TMEM232: variants seen among roughly 807,000 people sequenced by gnomAD.
TMEM232 encodes the protein transmembrane protein 232.
A neutral mutation model predicts 78.8 loss-of-function variants in TMEM232; 80 were observed. The observed-to-expected ratio is 1.01, with a 90% CI of 0.85 to 1.22. TMEM232 has a LOEUF of 1.22. Among genes scored for constraint, TMEM232 ranks in the 50% most tolerant of loss-of-function variants. TMEM232 has a pLI of 0.00. For synonymous variants in TMEM232, 297 were observed against 254.3 expected (o/e 1.17, Z -1.60); for missense variants, 881 against 742.2 (o/e 1.19, Z -2.17).
chr5:110,626,096 A>C (rs533377471), intron 6 of TMEM232, among the ~76,000 whole-genome samples: 1 of 151,962 alleles, frequency 6.6e-6, no homozygotes. Flanking sequence ...AAAACAGCCT[A>C]TTGTTAAAGG....
At chr5:110,445,971 C>T (rs1170976980) in intron 12 of TMEM232, among the ~76,000 whole-genome samples, 1 of 152,138 alleles carries the variant, frequency 6.6e-6, no homozygotes, top group Admixed American at 6.6e-5. Flanking sequence ...AAATGAATCA[C>T]TAAGTCCAGG....
chr5:110,405,670 A>C (rs1387487611), intron 2 of TMEM232, among the ~76,000 whole-genome samples: 1 of 151,352 alleles, frequency 6.6e-6, no homozygotes, highest in Non-Finnish European at 1.5e-5. Context: ...AAATTGTAAA[A>C]GAAAGATTCA....
At chr5:110,707,259 G>A (rs141085387) in intron 1 of TMEM232, among the ~76,000 whole-genome samples, 3,617 of 152,244 alleles carry the variant, frequency 0.024, 45 homozygotes, top group African/African-American at 0.032. Context: ...GAGGGTCAGA[G>A]AGACAGTCAT....
intron 10 of TMEM232, among the ~76,000 whole-genome samples, chr5:110,572,735 A>T (rs1233072364): frequency 6.6e-6 from 1 of 152,090 alleles, no homozygotes; most frequent in Non-Finnish European, 1.5e-5. Context: ...TGTTGATTTA[A>T]ACTCAATTGA....
At chr5:110,505,955 G>C (rs757810097) in intron 12 of TMEM232, among the ~76,000 whole-genome samples, 3 of 152,180 alleles carry the variant, frequency 2.0e-5, no homozygotes, top group Non-Finnish European at 4.4e-5. Flanking sequence ...AAGGAACCTG[G>C]TCAGTTCAAC....
At chr5:110,595,729 A>C (rs1020737419) in intron 10 of TMEM232, among the ~76,000 whole-genome samples, 5 of 152,194 alleles carry the variant, frequency 3.3e-5, no homozygotes, top group African/African-American at 1.2e-4. Context: ...TCAGAGAAAA[A>C]AGAATGAAAA....
chr5:110,580,652 T>C (rs184844622), intron 10 of TMEM232, among the ~76,000 whole-genome samples: 2 of 151,640 alleles, frequency 1.3e-5, no homozygotes, highest in East Asian at 1.9e-4. Flanking sequence ...AGAAAATTAA[T>C]GAAGAAACAG....
intron 1 of TMEM232, among the ~76,000 whole-genome samples, chr5:110,714,354 T>A (rs1796812427): frequency 6.6e-6 from 1 of 152,200 alleles, no homozygotes; most frequent in Non-Finnish European, 1.5e-5. Context: ...ATCTTTTGTA[T>A]AAAGTCTCTG....
At chr5:110,494,253 T>C (rs1765417623) in intron 12 of TMEM232, among the ~76,000 whole-genome samples, 1 of 151,896 alleles carries the variant, frequency 6.6e-6, no homozygotes, top group Admixed American at 6.6e-5. Context: ...ATAACAAATA[T>C]AAAAAGCCAA....
At chr5:110,629,038 T>C (rs532305964) in intron 5 of TMEM232, 8 of 152,034 alleles carry the variant, frequency 5.3e-5, no homozygotes, top group East Asian at 1.9e-4. Context: ...AAATAACATG[T>C]TTATAAGGCA....
At chr5:110,677,415 G>A (rs1792163280) in intron 1 of TMEM232, among the ~76,000 whole-genome samples, 1 of 152,130 alleles carries the variant, frequency 6.6e-6, no homozygotes, top group East Asian at 1.9e-4. Flanking sequence ...AAAGAACTGT[G>A]AGATAGTAAA....
chr5:110,638,161 A>C, intron 5 of TMEM232, 37 bp downstream of exon 5: 1 of 1,469,556 alleles, frequency 6.8e-7, no homozygotes, highest in East Asian at 2.5e-5. Context: ...TAGTATGTGA[A>C]ATATTTAAAA....
At chr5:110,532,720 C>T (rs140465316) in intron 11 of TMEM232, among the ~76,000 whole-genome samples, 187 of 152,178 alleles carry the variant, frequency 1.2e-3, no homozygotes, top group Admixed American at 2.6e-3. Flanking sequence ...TGTATCCCCC[C>T]ACCTTAACAC....
intron 12 of TMEM232, among the ~76,000 whole-genome samples, chr5:110,475,443 TGA>T (rs1208866056): frequency 8.2e-4 from 95 of 115,190 alleles, no homozygotes; most frequent in Admixed American, 1.1e-3. Context: ...ATTTATACTT[TGA>T]TTTTTTTTTT....
At chr5:110,712,477 A>C (rs1169306615) in intron 1 of TMEM232, among the ~76,000 whole-genome samples, 2 of 152,176 alleles carry the variant, frequency 1.3e-5, no homozygotes, top group Non-Finnish European at 2.9e-5. Flanking sequence ...CACAAAAGGC[A>C]AAAAGTCATA....
At chr5:110,579,889 T>C (rs1777982833) in intron 10 of TMEM232, among the ~76,000 whole-genome samples, 1 of 151,550 alleles carries the variant, frequency 6.6e-6, no homozygotes, top group Non-Finnish European at 1.5e-5. Context: ...TATAAAAAAA[T>C]AGGACCCAAA....
At chr5:110,618,112 T>C in intron 8 of TMEM232, 1 of 249,846 alleles carries the variant, frequency 4.0e-6, no homozygotes, top group South Asian at 6.5e-5. Context: ...TTCACTGCTT[T>C]TGTTTAACAA....
rs1477274451 is a variant in TMEM232, at chr5:110,494,888, T to C, written c.1703+33700A>G. ...TAGTATTATTTATATAAAGCAATTATCAAGCTAGACTAGATAATAAGCTAC... is the reference window on the plus strand; with the variant it reads ...TAGTATTATTTATATAAAGCAATTACCAAGCTAGACTAGATAATAAGCTAC... On this transcript the variant is annotated intron_variant, in intron 12 of 13. Coordinates refer to ENST00000455884, the MANE Select transcript of TMEM232 (RefSeq NM_001039763.4). 2.0e-5 allele frequency among the ~76,000 whole-genome samples: 3 copies of C among 151,798 alleles called. No homozygotes were observed. In the East Asian group the frequency reaches 5.8e-4, roughly 29 times the overall value.
At chr5:110,559,955 T>C (rs1478354575) in intron 11 of TMEM232, among the ~76,000 whole-genome samples, 1 of 152,164 alleles carries the variant, frequency 6.6e-6, no homozygotes, top group Non-Finnish European at 1.5e-5. Context: ...CCTGTGTCTT[T>C]GTTTTCACGA....
Sources: gnomAD v4.1 joint callset for allele counts (sites outside exome capture counted in the v4.1 genomes callset) on GRCh38, gnomAD v4.1.1 for gene constraint, MANE v1.5 for transcripts, NCBI Gene and HGNC (gene_info 2026-07-23, HGNC 2026-07-21) for gene names.